The following TXNL4A variants were observed in gnomAD, a reference collection of about 807,000 sequenced individuals.
TXNL4A encodes thioredoxin like 4A.
In TXNL4A, 17 loss-of-function variants were observed where a neutral mutation model predicts 14.6. That is an observed-to-expected ratio of 1.16 (90% confidence interval 0.80 to 1.74). TXNL4A has a LOEUF of 1.74. Ranked by LOEUF, TXNL4A falls within the 40% of genes most tolerant of loss-of-function variation. The pLI is 0.00. For synonymous variants in TXNL4A, 83 were observed against 70.6 expected, an observed-to-expected ratio of 1.18 and a Z score of -0.88; for missense variants, 74 against 195.2, an observed-to-expected ratio of 0.38 and a Z score of 3.70.
chr18:80,001,657 A>G (rs2051699116), intron 1 of TXNL4A, among the ~76,000 whole-genome samples: 1 of 152,196 alleles, frequency 6.6e-6, no homozygotes, highest in Non-Finnish European at 1.5e-5. Flanking sequence ...TCATTTTGGA[A>G]CTTTAAAGTT....
At chr18:80,026,831 G>A (rs1246762563) in intron 1 of TXNL4A, among the ~76,000 whole-genome samples, 4 of 152,036 alleles carry the variant, frequency 2.6e-5, no homozygotes, top group Non-Finnish European at 5.9e-5. Flanking sequence ...TTCATCAAAA[G>A]GTGAACTTTT....
At chr18:79,981,716 T>C (rs566399803) in intron 1 of TXNL4A, among the ~76,000 whole-genome samples, 1 of 152,296 alleles carries the variant, frequency 6.6e-6, no homozygotes, top group South Asian at 2.1e-4. Flanking sequence ...TGAGTAACTG[T>C]AACTTTAAAG....
At chr18:80,007,014 C>T (rs749291448) in intron 1 of TXNL4A, among the ~76,000 whole-genome samples, 1 of 152,144 alleles carries the variant, frequency 6.6e-6, no homozygotes, top group Non-Finnish European at 1.5e-5. Context: ...ACATACTTGG[C>T]TTCCAGGTAT....
chr18:79,975,345 G>A (rs1047158707), intron 2 of TXNL4A, among the ~76,000 whole-genome samples: 2 of 152,218 alleles, frequency 1.3e-5, no homozygotes, highest in South Asian at 2.1e-4. Context: ...CTAAAGTACC[G>A]TTTGTCTTAA....
At chr18:80,028,810 A>T (rs1401251966) in intron 1 of TXNL4A, among the ~76,000 whole-genome samples, 2 of 152,234 alleles carry the variant, frequency 1.3e-5, no homozygotes, top group Non-Finnish European at 2.9e-5. Context: ...AAGACGGAGG[A>T]TATTTAGCCT....
Position 79,972,789 on chromosome 18 carries a change from A to G in TXNL4A, c.*896T>C, listed in dbSNP as rs2051318416. Reference sequence around the variant, plus strand: ...ATAAGGAAATTTTCTAACTATATGAACTGAAGGGCCATGGCTTCTACAGAA... The same window carrying G: ...ATAAGGAAATTTTCTAACTATATGAGCTGAAGGGCCATGGCTTCTACAGAA... On this transcript the variant is annotated 3_prime_UTR_variant, in exon 3 of 3. Transcript: ENST00000269601. 3 of 152,158 alleles carry G rather than the reference A, an allele frequency of 2.0e-5. No individual in the cohort carries two copies. Among genetic ancestry groups the G allele is most frequent in the Admixed American group, 2.0e-4 (3 of 15,278 alleles). The allele number at this position is 152,158 out of a possible 1,614,324, so 9.4% of individuals were successfully genotyped here. A position where few individuals can be genotyped will look rare whatever the true frequency, so the allele number is the denominator to read the frequency against.
At chr18:80,028,128 G>A (rs1024329353) in intron 1 of TXNL4A, among the ~76,000 whole-genome samples, 1 of 150,824 alleles carries the variant, frequency 6.6e-6, no homozygotes, top group African/African-American at 2.4e-5. Context: ...AAAACTGGAG[G>A]TACTGCATCC....
chr18:80,006,190 C>G (rs1262673811), intron 1 of TXNL4A, among the ~76,000 whole-genome samples: 1 of 151,952 alleles, frequency 6.6e-6, no homozygotes, highest in Non-Finnish European at 1.5e-5. Flanking sequence ...TCGAGACCAG[C>G]CTGGCCAATA....
rs576034855 is a variant in TXNL4A at position 80,001,537 on chromosome 18, C to A, written c.-60-23836G>T. On this transcript the variant is annotated intron_variant, in intron 1 of 2. Coordinates refer to the TXNL4A transcript ENST00000585474. ...ACTCAACTCCAGCCCATGAAAGCAGCCAAGAGTGGGGTATACCCTGCAAAG... is the reference window on the plus strand; with the variant it reads ...ACTCAACTCCAGCCCATGAAAGCAGACAAGAGTGGGGTATACCCTGCAAAG... 9.8e-5 allele frequency among the ~76,000 whole-genome samples: 15 copies of A among 152,306 alleles called. No homozygotes were observed. The South Asian group carries it at 2.3e-3, about 23-fold the overall frequency.
chr18:80,027,469 C>G (rs2051892285), intron 1 of TXNL4A, among the ~76,000 whole-genome samples: 1 of 152,164 alleles, frequency 6.6e-6, no homozygotes, highest in Admixed American at 6.5e-5. Context: ...TTCTCAGTTG[C>G]AGATCTCTGC....
chr18:79,996,823 A>C (rs921030376), intron 1 of TXNL4A, among the ~76,000 whole-genome samples: 2 of 152,152 alleles, frequency 1.3e-5, no homozygotes, highest in Admixed American at 1.3e-4. Flanking sequence ...CATGCCTGTA[A>C]TCCCAGCTAC....
At chr18:79,975,221 T>C (rs900163233) in intron 2 of TXNL4A, among the ~76,000 whole-genome samples, 6 of 152,216 alleles carry the variant, frequency 3.9e-5, no homozygotes, top group African/African-American at 1.4e-4. Context: ...CTCAGCTGTT[T>C]CTATCAGACA....
chr18:80,031,496 T>C (rs557140599), intron 1 of TXNL4A, among the ~76,000 whole-genome samples: 1 of 152,362 alleles, frequency 6.6e-6, no homozygotes, highest in Non-Finnish European at 1.5e-5. Flanking sequence ...ACCTTTTTCA[T>C]TTACAATCTC....
At chr18:79,995,282 A>C (rs1363288513) in intron 1 of TXNL4A, 1 of 152,250 alleles carries the variant, frequency 6.6e-6, no homozygotes, top group African/African-American at 2.4e-5. Context: ...ACATTGTAGC[A>C]GACCTGATCT....
chr18:79,975,544 G>T (rs2051366152), intron 2 of TXNL4A, among the ~76,000 whole-genome samples: 1 of 152,220 alleles, frequency 6.6e-6, no homozygotes, highest in African/African-American at 2.4e-5. Context: ...GGGGGGCAGA[G>T]ACCTAAGACG....
chr18:79,985,585 A>G (rs1244448861), intron 1 of TXNL4A, among the ~76,000 whole-genome samples: 1 of 152,208 alleles, frequency 6.6e-6, no homozygotes, highest in South Asian at 2.1e-4. Flanking sequence ...ACTTTATCAA[A>G]TGAATTGCCC....
At chr18:80,028,958 T>C (rs780023951) in intron 1 of TXNL4A, among the ~76,000 whole-genome samples, 8 of 152,186 alleles carry the variant, frequency 5.3e-5, no homozygotes, top group Non-Finnish European at 1.0e-4. Context: ...AATTGGCTGA[T>C]GCCACTGCTA....
chr18:79,992,611 C>A (rs1042110114), upstream of TXNL4A, among the ~76,000 whole-genome samples: 28 of 152,116 alleles, frequency 1.8e-4, no homozygotes, highest in African/African-American at 6.5e-4. Flanking sequence ...AAGAGGGCTG[C>A]AAGATGATAA....
At chr18:79,991,025 G>C (rs1479929386), upstream of TXNL4A, among the ~76,000 whole-genome samples, 1 of 151,200 alleles carries the variant, frequency 6.6e-6, no homozygotes, top group South Asian at 2.1e-4. Context: ...GGAGAATGGC[G>C]TGAACCCGGG....
Sources: allele counts gnomAD v4.1 joint callset (sites outside exome capture counted in the v4.1 genomes callset), GRCh38; gene constraint gnomAD v4.1.1; transcripts MANE v1.5; gene names NCBI Gene and HGNC (gene_info 2026-07-23, HGNC 2026-07-21).